The following CNTNAP5 variants were observed in gnomAD, a reference collection of about 807,000 sequenced individuals.
The protein encoded by CNTNAP5 is contactin associated protein family member 5, also known as contactin-associated protein-like 5.
In CNTNAP5, 72 loss-of-function variants were observed where a neutral mutation model predicts 150.2. The observed-to-expected ratio is 0.48, with a 90% CI of 0.40 to 0.58. CNTNAP5 has a LOEUF of 0.58. Among genes scored for constraint, CNTNAP5 ranks in the 20% least tolerant of loss-of-function variants. The pLI, the probability that CNTNAP5 is intolerant of heterozygous loss-of-function variation, is 0.00. For synonymous variants in CNTNAP5, 672 were observed against 619.8 expected (o/e 1.08, Z -1.25); for missense variants, 1,636 against 1,626.2 (o/e 1.01, Z -0.10).
At chr2:124,557,575 A>G (rs577067956) in intron 10 of CNTNAP5, among the ~76,000 whole-genome samples, 1 of 152,304 alleles carries the variant, frequency 6.6e-6, no homozygotes, top group African/African-American at 2.4e-5. Flanking sequence ...GACCAAACAG[A>G]CAACAAGCAG....
chr2:124,837,063 G>T (rs1376251985), intron 19 of CNTNAP5, among the ~76,000 whole-genome samples: 1 of 151,896 alleles, frequency 6.6e-6, no homozygotes, highest in Non-Finnish European at 1.5e-5. Flanking sequence ...TCACAGGCCT[G>T]ATTTTACCAG....
In CNTNAP5 at chr2:124,446,832, G is replaced by A. The variant is rs368464282; in HGVS notation, c.813G>A (p.Ser271=). The change falls in exon 6 of 24, where the codon TCG becomes TCA. Residue 271 remains serine, a synonymous_variant. Coordinates refer to ENST00000682447, the MANE Select transcript of CNTNAP5 (RefSeq NM_001367498.1). Reference sequence around the variant, plus strand: ...TCCTGGATGACCAGCACTGGCACTCGGTCCTCATTGAGCGGGTGGGCAAGC... The same window carrying A: ...TCCTGGATGACCAGCACTGGCACTCAGTCCTCATTGAGCGGGTGGGCAAGC... ...GSLLDDQHWH[S]VLIERVGKQV... 327 of 1,613,846 alleles carry A rather than the reference G, an allele frequency of 2.0e-4. No homozygotes were observed. Among genetic ancestry groups the A allele is most frequent in the East Asian group, 6.9e-4 (31 of 44,860 alleles).
intron 19 of CNTNAP5, among the ~76,000 whole-genome samples, chr2:124,834,736 C>T (rs1682793245): frequency 6.6e-6 from 1 of 151,862 alleles, no homozygotes; most frequent in African/African-American, 2.4e-5. Flanking sequence ...GCTGCATCCT[C>T]AACACCTTCC....
intron 11 of CNTNAP5, among the ~76,000 whole-genome samples, chr2:124,606,931 A>T (rs1181458914): frequency 6.6e-6 from 1 of 152,174 alleles, no homozygotes; most frequent in Non-Finnish European, 1.5e-5. Flanking sequence ...TTAAAAACTC[A>T]TAAAAAAAGG....
chr2:124,675,746 C>G (rs550409763), intron 13 of CNTNAP5, among the ~76,000 whole-genome samples: 5 of 152,090 alleles, frequency 3.3e-5, no homozygotes, highest in Admixed American at 3.3e-4. Flanking sequence ...TCTTATTTGT[C>G]GAGATATTGT....
intron 12 of CNTNAP5, among the ~76,000 whole-genome samples, chr2:124,642,958 T>C (rs1447952208): frequency 6.6e-6 from 1 of 152,182 alleles, no homozygotes; most frequent in Non-Finnish European, 1.5e-5. Flanking sequence ...TGGGGCACAG[T>C]ATTTGATGGC....
At chr2:124,850,548 T>C (rs1683134001) in intron 19 of CNTNAP5, among the ~76,000 whole-genome samples, 1 of 152,208 alleles carries the variant, frequency 6.6e-6, no homozygotes, top group African/African-American at 2.4e-5. Context: ...CCTGCTGATA[T>C]TTCTGTTTCA....
chr2:124,080,390 G>T (rs1425293903), intron 1 of CNTNAP5, among the ~76,000 whole-genome samples: 1 of 152,158 alleles, frequency 6.6e-6, no homozygotes, highest in East Asian at 1.9e-4. Flanking sequence ...CTAAACAAAT[G>T]ACTCTTAAAT....
At chr2:124,131,872 A>C (rs1031271851) in intron 1 of CNTNAP5, among the ~76,000 whole-genome samples, 17 of 152,134 alleles carry the variant, frequency 1.1e-4, no homozygotes, top group African/African-American at 3.6e-4. Flanking sequence ...GGATAAGGAC[A>C]ATGTTTCATT....
At chr2:124,390,253 TTG>T (rs1691076546) in intron 3 of CNTNAP5, among the ~76,000 whole-genome samples, 1 of 152,222 alleles carries the variant, frequency 6.6e-6, no homozygotes, top group Non-Finnish European at 1.5e-5. Flanking sequence ...CTTTGTGATT[TTG>T]ATTTCTCATC....
At chr2:124,212,316 A>T (rs1190555454) in intron 1 of CNTNAP5, among the ~76,000 whole-genome samples, 3 of 151,886 alleles carry the variant, frequency 2.0e-5, no homozygotes, top group Non-Finnish European at 4.4e-5. Context: ...CTTTGTAATG[A>T]TGTGTGTGTG....
intron 19 of CNTNAP5, among the ~76,000 whole-genome samples, chr2:124,850,900 T>C (rs1573660121): frequency 1.3e-5 from 2 of 152,288 alleles, no homozygotes; most frequent in Admixed American, 1.3e-4. Flanking sequence ...TACAGTTCAT[T>C]GGTGAATTAA....
chr2:124,711,035 G>A (rs1429886406), intron 13 of CNTNAP5, among the ~76,000 whole-genome samples: 1 of 152,104 alleles, frequency 6.6e-6, no homozygotes, highest in Non-Finnish European at 1.5e-5. Flanking sequence ...CACTTTGGGA[G>A]GCAGAGGCGG....
intron 1 of CNTNAP5, among the ~76,000 whole-genome samples, chr2:124,091,097 A>G (rs1682803150): frequency 6.6e-6 from 1 of 152,210 alleles, no homozygotes. Flanking sequence ...AAGAGTCACA[A>G]AGAGTCCCCC....
intron 5 of CNTNAP5, among the ~76,000 whole-genome samples, chr2:124,437,084 T>C (rs1295991099): frequency 6.6e-6 from 1 of 152,172 alleles, no homozygotes; most frequent in Non-Finnish European, 1.5e-5. Flanking sequence ...TTGCCCATAA[T>C]GGGAAATCTA....
chr2:124,057,617 T>C (rs766896455), intron 1 of CNTNAP5, among the ~76,000 whole-genome samples: 7 of 151,788 alleles, frequency 4.6e-5, no homozygotes, highest in Non-Finnish European at 1.0e-4. Flanking sequence ...TTCATAGATA[T>C]ATTACTTCTT....
chr2:124,676,071 CATT>C (rs1424190365), intron 13 of CNTNAP5, among the ~76,000 whole-genome samples: 1 of 152,098 alleles, frequency 6.6e-6, no homozygotes, highest in African/African-American at 2.4e-5. Context: ...TATCTGTATT[CATT>C]TTTGTGTGTG....
intron 1 of CNTNAP5, among the ~76,000 whole-genome samples, chr2:124,153,408 C>A (rs1238951066): frequency 6.6e-6 from 1 of 152,008 alleles, no homozygotes; most frequent in Admixed American, 6.6e-5. Context: ...TCAGCTCAGG[C>A]TGCTATGAAA....
At chr2:124,902,401 A>C (rs538135708) in intron 21 of CNTNAP5, among the ~76,000 whole-genome samples, 1 of 152,306 alleles carries the variant, frequency 6.6e-6, no homozygotes, top group African/African-American at 2.4e-5. Flanking sequence ...AATCTTTGGA[A>C]GGACAACATT....
Sources: gnomAD v4.1 joint callset for allele counts (sites outside exome capture counted in the v4.1 genomes callset) on GRCh38, gnomAD v4.1.1 for gene constraint, MANE v1.5 for transcripts, NCBI Gene and HGNC (gene_info 2026-07-23, HGNC 2026-07-21) for gene names.